TAOK1: variants seen among roughly 807,000 people sequenced by gnomAD.
TAOK1 encodes TAO kinase 1, also known as serine/threonine-protein kinase TAO1.
TAOK1 carries 21 observed loss-of-function variants against 138.3 expected under a neutral mutation model. The observed-to-expected ratio is 0.15, with a 90% CI of 0.11 to 0.22. The LOEUF is 0.22. Ranked by LOEUF, TAOK1 falls within the 10% of genes least tolerant of loss-of-function variation. TAOK1 has a pLI of 1.00. For synonymous variants in TAOK1, 361 were observed against 398.4 expected, an observed-to-expected ratio of 0.91 and a Z score of 1.12; for missense variants, 651 against 1,227.7, an observed-to-expected ratio of 0.53 and a Z score of 7.02.
At chr17:29,477,117 T>A (rs1350850426) in intron 4 of TAOK1, among the ~76,000 whole-genome samples, 1 of 152,168 alleles carries the variant, frequency 6.6e-6, no homozygotes, top group African/African-American at 2.4e-5. Context: ...AGTGCTGGGA[T>A]TATAGGCATG....
In TAOK1 at chr17:29,551,898, TAC is replaced by T. The variant is rs1241536847; in HGVS notation, c.*8880_*8881del. 1.3e-5 allele frequency: 2 copies of T among 152,486 alleles called. No individual in the cohort carries two copies. The highest frequency in any genetic ancestry group is 2.4e-5 in the African/African-American group (1 of 41,462). 9.4% of individuals were successfully genotyped at this position (152,486 alleles called of 1,614,324 possible). Reference sequence around the variant, plus strand: ...ATCAACTGTAATAAAGTAATTTTAGTACACAGTGTCTGTCCAGTTTTTTTAAG... The same window carrying T: ...ATCAACTGTAATAAAGTAATTTTAGTACAGTGTCTGTCCAGTTTTTTTAAG... On this transcript the variant is annotated 3_prime_UTR_variant, in exon 20 of 20. Coordinates refer to ENST00000261716, the MANE Select transcript of TAOK1 (RefSeq NM_020791.4).
At chr17:29,480,123 A>T in intron 6 of TAOK1, 1 of 268,542 alleles carries the variant, frequency 3.7e-6, no homozygotes, top group Non-Finnish European at 6.9e-6. Flanking sequence ...CAATGAACTA[A>T]TTTTTTTTTA....
chr17:29,456,995 A>T (rs1206256585), intron 2 of TAOK1, among the ~76,000 whole-genome samples: 1 of 149,678 alleles, frequency 6.7e-6, no homozygotes, highest in Admixed American at 6.6e-5. Flanking sequence ...GGCCTCCCAA[A>T]GTGCTGGGAT....
intron 1 of TAOK1, among the ~76,000 whole-genome samples, chr17:29,412,262 C>T (rs1202746473): frequency 1.3e-5 from 2 of 152,110 alleles, no homozygotes; most frequent in Non-Finnish European, 1.5e-5. Context: ...AGGTTGGTCT[C>T]GAACTCCTGA....
intron 16 of TAOK1, 91 bp downstream of exon 16, chr17:29,517,747 C>T (rs377588682): frequency 1.7e-6 from 2 of 1,203,316 alleles, no homozygotes; most frequent in South Asian, 1.5e-5. Context: ...AGGGACTTTG[C>T]ACTTATACTT....
chr17:29,543,135 A>G lies in TAOK1; in HGVS notation c.*113A>G. ...GTACTACAGTGTGGAAGCTGAGTGC[A>G]TATGGTATATTTTATTCATTTTTGT... On this transcript the variant is annotated 3_prime_UTR_variant, in exon 20 of 20. Coordinates refer to ENST00000261716, the MANE Select transcript of TAOK1 (RefSeq NM_020791.4). 2 of 848,630 alleles carry G rather than the reference A, an allele frequency of 2.4e-6. No individual in the cohort carries two copies. The highest frequency in any genetic ancestry group is 3.5e-6 in the Non-Finnish European group (2 of 566,992). 52.6% of individuals were successfully genotyped at this position (848,630 alleles called of 1,614,324 possible).
chr17:29,492,555 G>C (rs553257723), intron 10 of TAOK1, among the ~76,000 whole-genome samples: 1 of 152,296 alleles, frequency 6.6e-6, no homozygotes, highest in East Asian at 1.9e-4. Context: ...CACTTTGGGA[G>C]GCTGAGGCAG....
intron 2 of TAOK1, among the ~76,000 whole-genome samples, chr17:29,460,559 A>G (rs1407488247): frequency 6.6e-6 from 1 of 152,200 alleles, no homozygotes; most frequent in Non-Finnish European, 1.5e-5. Context: ...AGTGGGAACT[A>G]AAGATGTAAT....
intron 3 of TAOK1, among the ~76,000 whole-genome samples, chr17:29,469,465 T>C (rs2030761797): frequency 6.6e-6 from 1 of 152,154 alleles, no homozygotes; most frequent in African/African-American, 2.4e-5. Flanking sequence ...CTGTAGTCAT[T>C]AAGCAATAAT....
intron 8 of TAOK1, among the ~76,000 whole-genome samples, chr17:29,486,508 C>T (rs759597279): frequency 3.9e-5 from 6 of 151,964 alleles, no homozygotes; most frequent in Non-Finnish European, 8.8e-5. Flanking sequence ...TGGCGCATCC[C>T]GGTAATCCCA....
At position 29,402,661 on chromosome 17, in the gene TAOK1, G is replaced by C. The variant is rs144541233; in HGVS notation, c.-95+11637G>C. ...ATATCTTTTATTTTTATTTTATTTG[G>C]GGACATATATAGATTTGATTTAATT... On this transcript the variant is annotated intron_variant, in intron 1 of 19. Transcript: ENST00000261716. Among the ~76,000 whole-genome samples, 376 of 151,984 alleles carry C rather than the reference G, an allele frequency of 2.5e-3. 3 individuals carry two copies. The highest frequency in any genetic ancestry group is 8.2e-3 in the African/African-American group (338 of 41,446).
At chr17:29,482,139 C>G (rs1248825698) in intron 7 of TAOK1, 58 bp from the exon 8 acceptor site, 2 of 1,296,036 alleles carry the variant, frequency 1.5e-6, no homozygotes, top group East Asian at 2.4e-5. Context: ...GTTACATTCT[C>G]AAAGGATAGA....
chr17:29,530,745 G>A (rs2032086910), intron 18 of TAOK1, 126 bp downstream of exon 18: 1 of 771,912 alleles, frequency 1.3e-6, no homozygotes, highest in African/African-American at 1.7e-5. Flanking sequence ...GAAATGTGGT[G>A]GTGGTTCATT....
At chr17:29,405,864 A>G (rs1904977207) in intron 1 of TAOK1, among the ~76,000 whole-genome samples, 2 of 152,162 alleles carry the variant, frequency 1.3e-5, no homozygotes, top group African/African-American at 4.8e-5. Flanking sequence ...CGTATTTCTT[A>G]TATTTTTTGA....
intron 17 of TAOK1, among the ~76,000 whole-genome samples, chr17:29,525,687 G>A (rs2031997909): frequency 6.6e-6 from 1 of 151,820 alleles, no homozygotes; most frequent in South Asian, 2.1e-4. Context: ...GAGCCACCGC[G>A]CCCAGCCCAG....
At chr17:29,402,139 A>G (rs1179859766) in intron 1 of TAOK1, among the ~76,000 whole-genome samples, 1 of 152,144 alleles carries the variant, frequency 6.6e-6, no homozygotes, top group Non-Finnish European at 1.5e-5. Flanking sequence ...AGGAGATAGC[A>G]AGGACTTTGC....
At chr17:29,432,269 C>G (rs772571286) in intron 1 of TAOK1, among the ~76,000 whole-genome samples, 1 of 152,222 alleles carries the variant, frequency 6.6e-6, no homozygotes, top group Non-Finnish European at 1.5e-5. Flanking sequence ...TGGGCCCTGG[C>G]TAGTTATCTG....
chr17:29,538,568 T>A (rs2032262998), intron 19 of TAOK1, among the ~76,000 whole-genome samples: 1 of 152,214 alleles, frequency 6.6e-6, no homozygotes, highest in African/African-American at 2.4e-5. Flanking sequence ...TTTCTGCACT[T>A]TATGCTTGCC....
In TAOK1 at chr17:29,502,534, A is replaced by G; in HGVS notation, c.1204-55A>G. 3 of 1,537,510 alleles carry G rather than the reference A, an allele frequency of 2.0e-6. No homozygotes were observed. In the Admixed American group the frequency reaches 6.3e-5, roughly 32 times the overall value. On this transcript the variant is annotated intron_variant, in intron 12 of 19. Transcript: ENST00000261716. ...TGTCTTTAAACTTTAATTTCCATAA[A>G]GATTCAAACAAACTGTTCACCTTAC...
Sources: allele counts gnomAD v4.1 joint callset (sites outside exome capture counted in the v4.1 genomes callset), GRCh38; gene constraint gnomAD v4.1.1; transcripts MANE v1.5; gene names NCBI Gene and HGNC (gene_info 2026-07-23, HGNC 2026-07-21).